The following TJP1 variants were observed in gnomAD, a reference collection of about 807,000 sequenced individuals.
The protein encoded by TJP1 is tight junction protein ZO-1.
A neutral mutation model predicts 194.2 loss-of-function variants in TJP1; 43 were observed. The observed-to-expected ratio is 0.22, with a 90% confidence interval of 0.17 to 0.29. TJP1 has a LOEUF of 0.29. TJP1 is among the 10% of genes least tolerant of loss of function. The probability of loss-of-function intolerance (pLI) is 1.00; values close to 1 mark genes in which losing one functional copy is unlikely to be tolerated. For missense variants in TJP1, 1,971 were observed against 2,185.7 expected, an observed-to-expected ratio of 0.90 and a Z score of 1.96; for synonymous variants, 801 against 779.0, an observed-to-expected ratio of 1.03 and a Z score of -0.47.
chr15:29,760,382 T>C (rs2151517706), intron 8 of TJP1: 2 of 626,172 alleles, frequency 3.2e-6, no homozygotes, highest in South Asian at 3.7e-5. Flanking sequence ...ACTAGTGTTT[T>C]GTTTTGTTTT....
chr15:29,956,102 T>C, intron 2 of TJP1: 1 of 746,340 alleles, frequency 1.3e-6, no homozygotes, highest in South Asian at 2.8e-5. Context: ...GGTAAACTGT[T>C]GGGTGAACCA....
intron 2 of TJP1, among the ~76,000 whole-genome samples, chr15:29,908,433 A>T (rs1375468831): frequency 6.6e-6 from 1 of 152,218 alleles, no homozygotes; most frequent in East Asian, 1.9e-4. Flanking sequence ...GCTATACTCA[A>T]CCAAGCTATC....
At chr15:29,954,616 T>G (rs1438535950) in intron 2 of TJP1, among the ~76,000 whole-genome samples, 3 of 152,210 alleles carry the variant, frequency 2.0e-5, no homozygotes, top group Non-Finnish European at 4.4e-5. Context: ...TTTATTCTTT[T>G]TCTGTTCTTG....
chr15:29,729,768 A>C (rs909524553), intron 15 of TJP1, among the ~76,000 whole-genome samples: 2 of 151,042 alleles, frequency 1.3e-5, no homozygotes, highest in African/African-American at 4.9e-5. Context: ...TGGAGCCTGG[A>C]TCTGAGATCG....
chr15:29,945,190 C>T (rs1172508447), intron 2 of TJP1, among the ~76,000 whole-genome samples: 1 of 152,194 alleles, frequency 6.6e-6, no homozygotes, highest in Non-Finnish European at 1.5e-5. Context: ...CAAAATGTCC[C>T]CAAGACCAAA....
chr15:29,737,149 C>A (rs985889244), intron 11 of TJP1, 115 bp downstream of exon 11: 27 of 1,288,682 alleles, frequency 2.1e-5, no homozygotes, highest in Non-Finnish European at 2.8e-5. Flanking sequence ...TTAACTGGCT[C>A]AATGGAGACT....
intron 15 of TJP1, among the ~76,000 whole-genome samples, chr15:29,730,356 A>AG (rs2043544409): frequency 6.6e-6 from 1 of 152,110 alleles, no homozygotes; most frequent in South Asian, 2.1e-4. Context: ...CCAAGGCCAG[A>AG]GATCACTTGA....
chr15:29,761,495 G>A, intron 7 of TJP1, 106 bp downstream of exon 7: 2 of 1,410,700 alleles, frequency 1.4e-6, no homozygotes, highest in Non-Finnish European at 1.9e-6. Flanking sequence ...TTTTGAAGGT[G>A]TTTGGCTGGT....
rs866435548 is a variant in TJP1, at chr15:29,701,324, C to T, written c.*271G>A. On this transcript the variant is annotated 3_prime_UTR_variant, in exon 28 of 28. Coordinates refer to ENST00000614355, the MANE Select transcript of TJP1 (RefSeq NM_001330239.4). ...ATCAATATGTGAAGTTAAGCAGTGA[C>T]GATAAAAAAATTACAAAAATCACAA... 39 of 344,794 alleles carry T rather than the reference C, an allele frequency of 1.1e-4. No homozygotes were observed. In the South Asian group the frequency reaches 1.2e-3, roughly 11 times the overall value. 21.4% of individuals were successfully genotyped at this position (344,794 alleles called of 1,614,324 possible).
At chr15:29,967,782 GATTAA>G (rs1206499832) in intron 1 of TJP1, among the ~76,000 whole-genome samples, 2 of 152,100 alleles carry the variant, frequency 1.3e-5, no homozygotes, top group Non-Finnish European at 2.9e-5. Context: ...ACAACCTTAG[GATTAA>G]ATTAGACTGT....
intron 1 of TJP1, chr15:29,820,588 G>C: frequency 1.4e-6 from 1 of 716,656 alleles, no homozygotes; most frequent in Non-Finnish European, 2.6e-6. Context: ...CTCTTAAAAA[G>C]TGTGTTGTCT....
chr15:29,727,189 C>G (rs1205246618), intron 16 of TJP1, among the ~76,000 whole-genome samples, 198 bp from the exon 17 acceptor site: 4 of 151,966 alleles, frequency 2.6e-5, no homozygotes, highest in East Asian at 1.9e-4. Flanking sequence ...ACTAAAAATA[C>G]AAAAACTAGC....
chr15:29,768,683 G>C (rs1187902679), intron 4 of TJP1, among the ~76,000 whole-genome samples: 2 of 152,074 alleles, frequency 1.3e-5, no homozygotes, highest in African/African-American at 4.8e-5. Context: ...TGCAATGCTT[G>C]CATCTAGTAG....
chr15:29,949,462 C>CCACA (rs1300920749), intron 2 of TJP1, among the ~76,000 whole-genome samples: 2 of 129,586 alleles, frequency 1.5e-5, no homozygotes, highest in Non-Finnish European at 1.6e-5. Context: ...CCACCACTTC[C>CCACA]ACCACCACCA....
intron 2 of TJP1, among the ~76,000 whole-genome samples, chr15:29,945,758 G>A (rs1237543600): frequency 6.7e-6 from 1 of 149,452 alleles, no homozygotes; most frequent in African/African-American, 2.5e-5. Context: ...GAGTACCAGT[G>A]AGAACTTAAG....
rs767541118 is a variant in TJP1 at position 29,734,314 on chromosome 15, T to C, written c.1476A>G (p.Lys492=). The C allele has an allele frequency of 9.9e-6, 16 of 1,613,296 alleles. No homozygotes were observed. The highest frequency in any genetic ancestry group is 1.7e-5 in the Admixed American group (1 of 59,908). Residue 492 remains lysine, a synonymous_variant, in exon 12 of 28, where the codon AAA becomes AAG. Transcript: ENST00000614355. ...GAGCCAATATGGTCACTTCTTCTCC[T>C]TTAGGGAGGTCAAGCAGGAAAAGGA... is the stretch of plus-strand genomic sequence containing the variant. ...EAVLFLLDLP[K]GEEVTILAQK...
chr15:29,823,240 A>G (rs1434676688), upstream of TJP1: 1 of 152,214 alleles, frequency 6.6e-6, no homozygotes. Context: ...CCTGCATTCC[A>G]ATGCTGTCCC....
rs2051459522 is a variant in TJP1, at chr15:29,847,501, T to C, written c.307-46799A>G. ...CACTCTACACTTTTAAAGTAAGCACTTGGGCTGGGCCCAGTGGCTCACGCC... is the reference window on the plus strand; with the variant it reads ...CACTCTACACTTTTAAAGTAAGCACCTGGGCTGGGCCCAGTGGCTCACGCC... On this transcript the variant is annotated intron_variant, in intron 2 of 28. Coordinates refer to the TJP1 transcript ENST00000356107. Among the ~76,000 whole-genome samples the C allele has an allele frequency of 3.9e-5, 6 of 152,152 alleles. No individual in the cohort carries two copies. In the South Asian group the frequency reaches 1.0e-3, roughly 26 times the overall value.
chr15:29,878,515 T>C (rs1253234186), intron 2 of TJP1, among the ~76,000 whole-genome samples: 1 of 152,172 alleles, frequency 6.6e-6, no homozygotes, highest in Non-Finnish European at 1.5e-5. Flanking sequence ...CAGATCATTC[T>C]GATATAATCT....
Sources: allele counts gnomAD v4.1 joint callset (sites outside exome capture counted in the v4.1 genomes callset), GRCh38; gene constraint gnomAD v4.1.1; transcripts MANE v1.5; gene names NCBI Gene and HGNC (gene_info 2026-07-23, HGNC 2026-07-21).